Variants in TRIO observed in about 807,000 individuals in gnomAD.
TRIO encodes triple functional domain protein.
Under a neutral mutation model 351.9 loss-of-function variants are expected in TRIO, and 58 were observed. The observed-to-expected ratio is 0.16, with a 90% CI of 0.13 to 0.21. TRIO has a LOEUF of 0.21. TRIO is among the 10% of genes least tolerant of loss of function. The pLI, the probability that TRIO is intolerant of heterozygous loss-of-function variation, is 1.00. For missense variants in TRIO, 3,201 were observed against 4,027.8 expected (o/e 0.79, Z 5.56); for synonymous variants, 1,758 against 1,595.7 (o/e 1.10, Z -2.42).
At chr5:14,465,774 C>G in intron 37 of TRIO, 134 bp downstream of exon 37, 1 of 882,876 alleles carries the variant, frequency 1.1e-6, no homozygotes, top group East Asian at 2.7e-5. Context: ...TCAGGAGTCC[C>G]CATGACCACC....
intron 9 of TRIO, among the ~76,000 whole-genome samples, chr5:14,323,143 C>G (rs1250211754): frequency 6.6e-6 from 1 of 152,054 alleles, no homozygotes; most frequent in Non-Finnish European, 1.5e-5. Context: ...AATGCTAGAC[C>G]TCAAAAGTTC....
intron 1 of TRIO, among the ~76,000 whole-genome samples, chr5:14,267,592 A>G (rs1244880158): frequency 1.3e-5 from 2 of 152,176 alleles, no homozygotes; most frequent in African/African-American, 2.4e-5. Context: ...GAACGTTTTT[A>G]TAGTTCCACA....
In TRIO at chr5:14,508,768, C is replaced by G. The variant is rs533050346; in HGVS notation, c.*346C>G. 5 of 221,358 alleles carry G rather than the reference C, an allele frequency of 2.3e-5. No individual in the cohort carries two copies. Among genetic ancestry groups the G allele is most frequent in the Admixed American group, 2.1e-4 (4 of 19,076 alleles). The allele number at this position is 221,358 out of a possible 1,614,324, so 13.7% of individuals were successfully genotyped here. ...AGATTTATTCAAGGAAACAAAATGC[C>G]TATGTTCAACCACTGGTGTTAATGA... is the stretch of plus-strand genomic sequence containing the variant. On this transcript the variant is annotated 3_prime_UTR_variant, in exon 57 of 57. Transcript: ENST00000344204.
intron 1 of TRIO, among the ~76,000 whole-genome samples, chr5:14,199,250 G>A (rs371534266): frequency 1.5e-5 from 2 of 137,684 alleles, no homozygotes; most frequent in Non-Finnish European, 3.1e-5. Context: ...AAAGTGTTAA[G>A]TATTCATATT....
intron 1 of TRIO, among the ~76,000 whole-genome samples, chr5:14,268,710 G>T (rs1033988985): frequency 1.3e-5 from 2 of 152,170 alleles, no homozygotes; most frequent in Admixed American, 1.3e-4. Context: ...ATTTGCCTGG[G>T]TCCCATAGCA....
chr5:14,465,890 G>A, intron 37 of TRIO: 1 of 488,164 alleles, frequency 2.0e-6, no homozygotes, highest in Non-Finnish European at 3.8e-6. Flanking sequence ...GGCAAGGGAA[G>A]AACTGCATAG....
chr5:14,268,127 C>T (rs982261935), intron 1 of TRIO, among the ~76,000 whole-genome samples: 8 of 152,168 alleles, frequency 5.3e-5, no homozygotes, highest in Non-Finnish European at 1.0e-4. Context: ...AATAGGTTAA[C>T]ATAACTACAG....
chr5:14,177,307 G>A (rs1334081948), intron 1 of TRIO, among the ~76,000 whole-genome samples: 1 of 151,956 alleles, frequency 6.6e-6, no homozygotes, highest in Non-Finnish European at 1.5e-5. Flanking sequence ...ATTTTTTTTG[G>A]TAATCACCGG....
intron 9 of TRIO, among the ~76,000 whole-genome samples, chr5:14,329,071 A>G (rs1405442215): frequency 6.6e-6 from 1 of 152,134 alleles, no homozygotes; most frequent in Non-Finnish European, 1.5e-5. Flanking sequence ...AGGCTCTGAT[A>G]CTCACCAGCT....
intron 1 of TRIO, among the ~76,000 whole-genome samples, chr5:14,211,845 T>C (rs1223855264): frequency 6.6e-6 from 1 of 151,544 alleles, no homozygotes; most frequent in Non-Finnish European, 1.5e-5. Context: ...ATGCCATGGC[T>C]CACATCTGTA....
chr5:14,183,555 T>TC (rs538936230), intron 1 of TRIO, among the ~76,000 whole-genome samples: 17 of 149,436 alleles, frequency 1.1e-4, no homozygotes, highest in East Asian at 2.0e-4. Context: ...ACTCCTCCCT[T>TC]CCCCCCCAAG....
chr5:14,325,230 T>C (rs907091302), intron 9 of TRIO, among the ~76,000 whole-genome samples: 5 of 152,216 alleles, frequency 3.3e-5, no homozygotes, highest in African/African-American at 1.2e-4. Context: ...GATGAGGGTT[T>C]AGTATGTGTT....
chr5:14,198,924 A>G (rs1439824888), intron 1 of TRIO, among the ~76,000 whole-genome samples: 8 of 152,150 alleles, frequency 5.3e-5, no homozygotes, highest in Non-Finnish European at 1.0e-4. Context: ...GTTAAAAACA[A>G]TGGAAAAATC....
intron 34 of TRIO, among the ~76,000 whole-genome samples, chr5:14,436,070 C>T (rs1751564970): frequency 1.3e-5 from 2 of 152,198 alleles, no homozygotes; most frequent in Admixed American, 6.5e-5. Flanking sequence ...CTCCTCCATC[C>T]TCCCCTGCCC....
At chr5:14,202,761 G>A (rs1445839225) in intron 1 of TRIO, among the ~76,000 whole-genome samples, 2 of 149,528 alleles carry the variant, frequency 1.3e-5, no homozygotes, top group Admixed American at 1.3e-4. Context: ...GTACAATGGG[G>A]CCTCACTCTT....
chr5:14,412,858 A>T (rs1749316834), intron 33 of TRIO, among the ~76,000 whole-genome samples: 1 of 152,204 alleles, frequency 6.6e-6, no homozygotes, highest in South Asian at 2.1e-4. Context: ...AAAAGCGAGG[A>T]TGTACCCACC....
intron 34 of TRIO, among the ~76,000 whole-genome samples, chr5:14,442,823 C>T (rs913484557): frequency 2.6e-5 from 4 of 152,292 alleles, no homozygotes; most frequent in South Asian, 2.1e-4. Flanking sequence ...ATGCCTCAGC[C>T]GCTAGCTAGC....
At chr5:14,438,270 C>T (rs1002683302) in intron 34 of TRIO, among the ~76,000 whole-genome samples, 3 of 152,198 alleles carry the variant, frequency 2.0e-5, no homozygotes, top group Non-Finnish European at 4.4e-5. Flanking sequence ...CATTCCTTTT[C>T]GAGGTCCTGT....
At chr5:14,382,485 A>G (rs573962807) in intron 21 of TRIO, among the ~76,000 whole-genome samples, 1 of 152,142 alleles carries the variant, frequency 6.6e-6, no homozygotes, top group Non-Finnish European at 1.5e-5. Flanking sequence ...GAGACCAGGC[A>G]TGGGGGGCGC....
Sources: allele counts gnomAD v4.1 joint callset (sites outside exome capture counted in the v4.1 genomes callset), GRCh38; gene constraint gnomAD v4.1.1; transcripts MANE v1.5; gene names NCBI Gene and HGNC (gene_info 2026-07-23, HGNC 2026-07-21).